KPNA1: variants seen among roughly 807,000 people sequenced by gnomAD.
KPNA1 encodes importin subunit alpha-5.
In KPNA1, 10 loss-of-function variants were observed where a neutral mutation model predicts 70.5. The ratio of observed to expected loss-of-function variants is 0.14; its 90% CI spans 0.09 to 0.24. KPNA1 has a LOEUF of 0.24. Among genes scored for constraint, KPNA1 ranks in the 10% least tolerant of loss-of-function variants. The probability of loss-of-function intolerance (pLI) is 1.00; values close to 1 mark genes in which losing one functional copy is unlikely to be tolerated. For missense variants in KPNA1, 397 were observed against 637.9 expected, an observed-to-expected ratio of 0.62 and a Z score of 4.07; for synonymous variants, 192 against 221.9, an observed-to-expected ratio of 0.87 and a Z score of 1.20.
At chr3:122,508,133 T>C (rs2076912604) in intron 1 of KPNA1, among the ~76,000 whole-genome samples, 1 of 152,086 alleles carries the variant, frequency 6.6e-6, no homozygotes, top group African/African-American at 2.4e-5. Context: ...TAAAGAAATT[T>C]TTTTTTCAAA....
intron 10 of KPNA1, among the ~76,000 whole-genome samples, chr3:122,441,643 C>A (rs1326235272): frequency 6.6e-6 from 1 of 152,082 alleles, no homozygotes; most frequent in African/African-American, 2.4e-5. Flanking sequence ...CTCTGTTGCC[C>A]AGGCTGGAGT....
intron 8 of KPNA1, 60 bp from the exon 9 acceptor site, chr3:122,449,797 G>C: frequency 5.6e-6 from 8 of 1,423,172 alleles, no homozygotes; most frequent in Non-Finnish European, 7.7e-6. Context: ...AGTGAGGTGA[G>C]ATACTCAAGA....
At position 122,503,482 on chromosome 3, in the gene KPNA1, A is replaced by G. The variant is rs561187315; in HGVS notation, c.-5-6912T>C. 2.6e-5 allele frequency among the ~76,000 whole-genome samples: 4 copies of G among 152,352 alleles called. No homozygotes were observed. In the South Asian group the frequency reaches 8.3e-4, roughly 32 times the overall value. ...TTAAAGTGTCATAGGCAGCAAGTTG[A>G]ATAAATGAAGCCTAGCCTTCCACAA... On this transcript the variant is annotated intron_variant, in intron 1 of 13. Coordinates refer to ENST00000344337, the MANE Select transcript of KPNA1 (RefSeq NM_002264.4).
At chr3:122,453,432 G>C (rs190666893) in intron 6 of KPNA1, among the ~76,000 whole-genome samples, 27 of 152,326 alleles carry the variant, frequency 1.8e-4, no homozygotes, top group Admixed American at 1.8e-3. Context: ...TAAATTTCTA[G>C]AACACTCCTT....
At chr3:122,478,608 G>A (rs1276558795) in intron 2 of KPNA1, among the ~76,000 whole-genome samples, 4 of 151,886 alleles carry the variant, frequency 2.6e-5, no homozygotes, top group Non-Finnish European at 4.4e-5. Flanking sequence ...TGTAATCCCA[G>A]CTACTCAGGA....
intron 4 of KPNA1, among the ~76,000 whole-genome samples, chr3:122,463,381 G>C (rs1166356768): frequency 6.6e-6 from 1 of 151,302 alleles, no homozygotes; most frequent in Non-Finnish European, 1.5e-5. Context: ...ATTAGCTGGG[G>C]GTGGTGGCGT....
intron 1 of KPNA1, among the ~76,000 whole-genome samples, chr3:122,505,003 T>A (rs987527308): frequency 1.6e-4 from 24 of 151,928 alleles, no homozygotes; most frequent in African/African-American, 5.8e-4. Flanking sequence ...TTTTCTTCCT[T>A]TTAAGATCCC....
At chr3:122,447,989 C>T (rs2076158680) in intron 9 of KPNA1, among the ~76,000 whole-genome samples, 1 of 152,112 alleles carries the variant, frequency 6.6e-6, no homozygotes, top group Non-Finnish European at 1.5e-5. Flanking sequence ...GACTTTTATG[C>T]AGCCAACAGA....
At chr3:122,452,958 T>C (rs2076227896) in intron 6 of KPNA1, among the ~76,000 whole-genome samples, 2 of 152,142 alleles carry the variant, frequency 1.3e-5, no homozygotes, top group South Asian at 4.2e-4. Flanking sequence ...GCCACTTTCT[T>C]TTTTTTTGAG....
chr3:122,433,990 G>A lies in KPNA1; in HGVS notation c.1123-202C>T, dbSNP rs1291166879. ...CTCACTCTGTTGCCCAGGCTGGAGT[G>A]CAGTGGTGCAATCTCAGCTCACTGC... is the stretch of plus-strand genomic sequence containing the variant. On this transcript the variant is annotated intron_variant, in intron 11 of 13. Transcript: ENST00000344337. 4.6e-5 allele frequency among the ~76,000 whole-genome samples: 7 copies of A among 152,024 alleles called. No homozygotes were observed. The East Asian group carries it at 1.3e-3, about 29-fold the overall frequency.
rs2076206945 is a variant in KPNA1, at chr3:122,451,959, A to C, written c.653+17T>G. The C allele has an allele frequency of 5.5e-6, 8 of 1,452,884 alleles. No homozygotes were observed. The highest frequency in any genetic ancestry group is 5.7e-6 in the Non-Finnish European group (6 of 1,052,726). 90.0% of individuals were successfully genotyped at this position (1,452,884 alleles called of 1,614,324 possible). ...TCTCAAAAAGAAAAAAAAAGGAAGA[A>C]GGAAGAAGAAACTTACTGCAAAAGA... On this transcript the variant is annotated intron_variant, in intron 7 of 13. Transcript: ENST00000344337.
chr3:122,494,741 G>C (rs1325405427), intron 2 of KPNA1, among the ~76,000 whole-genome samples: 1 of 152,030 alleles, frequency 6.6e-6, no homozygotes, highest in East Asian at 1.9e-4. Context: ...ATTTTATAAT[G>C]AAGTTTAATT....
chr3:122,441,925 C>G (rs1313341767), intron 10 of KPNA1, 113 bp downstream of exon 10: 7 of 859,076 alleles, frequency 8.1e-6, no homozygotes, highest in Non-Finnish European at 1.4e-5. Flanking sequence ...ATTAGTGTAA[C>G]AGAGTATCAA....
intron 2 of KPNA1, among the ~76,000 whole-genome samples, chr3:122,476,794 C>T (rs1157889676): frequency 7.0e-6 from 1 of 143,490 alleles, no homozygotes; most frequent in Non-Finnish European, 1.5e-5. Flanking sequence ...GGAAAGGAAA[C>T]CCTTGCACAT....
chr3:122,426,973 C>CA lies in KPNA1; in HGVS notation c.*11dup. On this transcript the variant is annotated 3_prime_UTR_variant, in exon 14 of 14. Transcript: ENST00000344337. ...CTGGTCTGACACAGGTACGTGAAAG[C>CA]AGAGTATTGCTTCAAAGCTGGAAAC... 6.2e-7 allele frequency: 1 copy of CA among 1,611,334 alleles called. No homozygotes were observed. The highest frequency in any genetic ancestry group is 8.5e-7 in the Non-Finnish European group (1 of 1,177,736).
intron 2 of KPNA1, among the ~76,000 whole-genome samples, chr3:122,495,638 C>G (rs2076750449): frequency 6.9e-6 from 1 of 144,024 alleles, no homozygotes; most frequent in East Asian, 2.1e-4. Flanking sequence ...TCTTATTTCT[C>G]AAGCATGAGG....
At chr3:122,458,911 G>A (rs969952392) in intron 5 of KPNA1, among the ~76,000 whole-genome samples, 1 of 152,190 alleles carries the variant, frequency 6.6e-6, no homozygotes. Flanking sequence ...AAAAAAGCTA[G>A]AGATGGCCCT....
At chr3:122,459,691 CAG>C (rs2076301039) in intron 5 of KPNA1, 1 of 985,424 alleles carries the variant, frequency 1.0e-6, no homozygotes, top group Non-Finnish European at 1.2e-6. Context: ...GCTAGCAAAA[CAG>C]AACCTTAATT....
At chr3:122,508,904 C>T (rs1253818888) in intron 1 of KPNA1, among the ~76,000 whole-genome samples, 2 of 152,064 alleles carry the variant, frequency 1.3e-5, no homozygotes, top group South Asian at 2.1e-4. Context: ...TCATTAATAT[C>T]CCCAGAAAGA....
Sources: allele counts gnomAD v4.1 joint callset (sites outside exome capture counted in the v4.1 genomes callset), GRCh38; gene constraint gnomAD v4.1.1; transcripts MANE v1.5; gene names NCBI Gene and HGNC (gene_info 2026-07-23, HGNC 2026-07-21).